Variants in LVRN observed in about 807,000 individuals in gnomAD.
LVRN encodes the protein aminopeptidase Q.
In LVRN, 99 loss-of-function variants were observed where a neutral mutation model predicts 111.4. That is an observed-to-expected ratio of 0.89 (90% CI 0.76 to 1.05). The LOEUF (loss-of-function observed/expected upper bound fraction) is 1.05. Ranked by LOEUF, LVRN falls within the 50% of genes least tolerant of loss-of-function variation. The pLI, the probability that LVRN is intolerant of heterozygous loss-of-function variation, is 0.00. For missense variants in LVRN, 1,414 were observed against 1,206.8 expected, an observed-to-expected ratio of 1.17 and a Z score of -2.54; for synonymous variants, 488 against 449.5, an observed-to-expected ratio of 1.09 and a Z score of -1.08.
chr5:115,973,014 G>T (rs1339056758), intron 1 of LVRN, among the ~76,000 whole-genome samples: 1 of 151,356 alleles, frequency 6.6e-6, no homozygotes, highest in African/African-American at 2.4e-5. Context: ...CTACAGCCTT[G>T]ACTTCCAGGG....
At chr5:115,995,718 A>T (rs56321985) in intron 6 of LVRN, among the ~76,000 whole-genome samples, 1 of 152,068 alleles carries the variant, frequency 6.6e-6, no homozygotes, top group Non-Finnish European at 1.5e-5. Flanking sequence ...CACATACATC[A>T]TCTTACTCAG....
At chr5:116,021,700 A>G (rs1368413169) in intron 18 of LVRN, 1 of 450,676 alleles carries the variant, frequency 2.2e-6, no homozygotes, top group Admixed American at 2.4e-5. Flanking sequence ...TTCCTTTTTA[A>G]TGCACCCAAA....
intron 1 of LVRN, among the ~76,000 whole-genome samples, chr5:115,977,073 G>A (rs1033151692): frequency 6.6e-6 from 1 of 152,178 alleles, no homozygotes; most frequent in African/African-American, 2.4e-5. Flanking sequence ...TCTGGGAAGT[G>A]TTCAGCGTAC....
At chr5:115,995,773 A>G (rs1407621421) in intron 6 of LVRN, among the ~76,000 whole-genome samples, 1 of 152,210 alleles carries the variant, frequency 6.6e-6, no homozygotes, top group Non-Finnish European at 1.5e-5. Flanking sequence ...TCTATTTTAC[A>G]TGTGAGGAAA....
chr5:116,003,115 T>G, intron 11 of LVRN, 126 bp from the exon 12 acceptor site: 1 of 976,736 alleles, frequency 1.0e-6, no homozygotes, highest in South Asian at 1.7e-5. Context: ...GAGCAATATA[T>G]ATTTTAGAAT....
chr5:116,019,430 C>T (rs1245425994), intron 18 of LVRN, among the ~76,000 whole-genome samples: 1 of 152,104 alleles, frequency 6.6e-6, no homozygotes, highest in African/African-American at 2.4e-5. Context: ...CACCCAAAGT[C>T]CCCAGTTTAC....
Position 116,025,978 on chromosome 5 carries a change from C to T in LVRN, c.2833C>T (p.Leu945=). The T allele has an allele frequency of 1.2e-6, 2 of 1,613,656 alleles. No homozygotes were observed. Among genetic ancestry groups the T allele is most frequent in the Non-Finnish European group, 8.5e-7 (1 of 1,179,768 alleles). ...ATCATCTGTCTCTCTGTCCTTCCAG[C>T]TGCAGCAGTTTTTCAGTAACATGTT... The part of the protein sequence containing the change: ...TVTTDLQIVE[L]QQFFSNMLEE... The change falls in exon 20 of 20, where the codon CTG becomes TTG. Residue 945 remains leucine (L), a splice_region_variant and synonymous_variant. Transcript: ENST00000357872.
chr5:115,981,455 G>C (rs765751358), intron 1 of LVRN, among the ~76,000 whole-genome samples: 5 of 151,896 alleles, frequency 3.3e-5, no homozygotes, highest in Non-Finnish European at 5.9e-5. Flanking sequence ...TAATTTTTGT[G>C]GGTATAATAG....
At chr5:116,016,596 A>G (rs1245059539) in intron 18 of LVRN, among the ~76,000 whole-genome samples, 2 of 152,232 alleles carry the variant, frequency 1.3e-5, no homozygotes, top group South Asian at 2.1e-4. Flanking sequence ...TAGCTCAGTC[A>G]GTTCTGAAAT....
At chr5:116,018,221 C>T (rs1448210669) in intron 18 of LVRN, among the ~76,000 whole-genome samples, 2 of 152,174 alleles carry the variant, frequency 1.3e-5, no homozygotes, top group East Asian at 1.9e-4. Flanking sequence ...AAGTCAATAC[C>T]TAGTAAACAA....
At chr5:115,979,838 G>T (rs1753524927) in intron 1 of LVRN, among the ~76,000 whole-genome samples, 1 of 152,116 alleles carries the variant, frequency 6.6e-6, no homozygotes, top group Non-Finnish European at 1.5e-5. Flanking sequence ...ATGCTATTCA[G>T]CACTTGTTAA....
At chr5:116,025,789 G>A (rs1158575149) in intron 19 of LVRN, among the ~76,000 whole-genome samples, 189 bp from the exon 20 acceptor site, 1 of 152,178 alleles carries the variant, frequency 6.6e-6, no homozygotes, top group Non-Finnish European at 1.5e-5. Flanking sequence ...TTTGGGGTAG[G>A]TGTGGTGTTC....
intron 17 of LVRN, 67 bp from the exon 18 acceptor site, chr5:116,015,561 T>G (rs1227346625): frequency 6.5e-7 from 1 of 1,531,828 alleles, no homozygotes; most frequent in East Asian, 2.3e-5. Flanking sequence ...ATTTTGATTT[T>G]GTTTATTTAA....
chr5:115,963,381 A>G (rs1033745336), intron 1 of LVRN, 69 bp downstream of exon 1: 11 of 1,327,080 alleles, frequency 8.3e-6, no homozygotes, highest in East Asian at 2.4e-5. Context: ...CTGCGGGTCC[A>G]GCTGACTACC....
chr5:115,997,706 G>A (rs989974121), intron 6 of LVRN, among the ~76,000 whole-genome samples: 2 of 151,890 alleles, frequency 1.3e-5, no homozygotes, highest in Non-Finnish European at 2.9e-5. Context: ...CTGACATATT[G>A]CAGCTTGTGG....
intron 18 of LVRN, among the ~76,000 whole-genome samples, chr5:116,020,267 A>G (rs116200235): frequency 0.018 from 2,726 of 152,298 alleles, 102 homozygotes; most frequent in African/African-American, 0.062. Context: ...AGTTACAGAA[A>G]AGTCAGTAGG....
chr5:116,001,290 GA>G, intron 10 of LVRN, 51 bp downstream of exon 10: 2 of 1,584,988 alleles, frequency 1.3e-6, no homozygotes, highest in Non-Finnish European at 1.7e-6. Context: ...GTTGAGCTCT[GA>G]CCCAATGGAA....
At chr5:115,989,129 C>A (rs1747929561) in intron 4 of LVRN, among the ~76,000 whole-genome samples, 1 of 152,116 alleles carries the variant, frequency 6.6e-6, no homozygotes, top group Non-Finnish European at 1.5e-5. Context: ...TATATGAAAC[C>A]AGAAGGATCT....
intron 1 of LVRN, chr5:115,974,786 A>G (rs747907036): frequency 1.6e-5 from 4 of 249,340 alleles, no homozygotes; most frequent in Non-Finnish European, 2.4e-5. Flanking sequence ...CTGTAATATC[A>G]TGGACATCAA....
Sources: allele counts gnomAD v4.1 joint callset (sites outside exome capture counted in the v4.1 genomes callset), GRCh38; gene constraint gnomAD v4.1.1; transcripts MANE v1.5; gene names NCBI Gene and HGNC (gene_info 2026-07-23, HGNC 2026-07-21).